LINGO2: variants seen among roughly 807,000 people sequenced by gnomAD.
LINGO2 encodes leucine rich repeat and Ig domain containing 2.
A neutral mutation model predicts 30.6 loss-of-function variants in LINGO2; 14 were observed. The observed-to-expected ratio is 0.46, with a 90% CI of 0.30 to 0.72. The LOEUF is 0.72. LINGO2 is among the 30% of genes least tolerant of loss of function. LINGO2 has a pLI of 0.07. For missense variants in LINGO2, 729 were observed against 751.7 expected, an observed-to-expected ratio of 0.97 and a Z score of 0.35; for synonymous variants, 317 against 288.5, an observed-to-expected ratio of 1.10 and a Z score of -1.00.
chr9:28,059,591 G>A lies in LINGO2; in HGVS notation c.-86-47186C>T, dbSNP rs190094172. ...ACAGCAGATGATGAAAGAACCATCA[G>A]GCTTACTAGAATTCAACCACAGACC... On this transcript the variant is annotated intron_variant, in intron 4 of 5. Transcript: ENST00000379992. Among the ~76,000 whole-genome samples the A allele has an allele frequency of 7.4e-3, 1,127 of 152,094 alleles. 3 individuals carry two copies. Among genetic ancestry groups the A allele is most frequent in the Non-Finnish European group, 0.011 (747 of 67,996 alleles).
At chr9:28,855,087 T>G in the LINGO2 span, among the ~76,000 whole-genome samples, 25 of 151,982 alleles carry the variant, frequency 1.6e-4, no homozygotes, top group Non-Finnish European at 2.9e-5. Context: ...AAATATATAC[T>G]CATGCATTTC....
Position 28,184,727 on chromosome 9 carries a change from T to A in LINGO2, c.-87+110481A>T, listed in dbSNP as rs75889585. 1.8e-3 allele frequency among the ~76,000 whole-genome samples: 281 copies of A among 152,204 alleles called. 3 individuals carry two copies. In the East Asian group the frequency reaches 0.047, roughly 26 times the overall value. ...TCAGAAAGTATACAGACATTTATTCTAAAAGGAGAAAGTAAACAACAACAC... is the reference window on the plus strand; with the variant it reads ...TCAGAAAGTATACAGACATTTATTCAAAAAGGAGAAAGTAAACAACAACAC... On this transcript the variant is annotated intron_variant, in intron 4 of 5. Transcript: ENST00000379992.
intron 5 of LINGO2, among the ~76,000 whole-genome samples, chr9:27,996,301 GA>G (rs1821659027): frequency 6.6e-6 from 1 of 152,070 alleles, no homozygotes; most frequent in South Asian, 2.1e-4. Context: ...ATATAAGAAA[GA>G]AAATCAATGT....
chr9:28,137,052 C>T lies in LINGO2; in HGVS notation c.-86-124647G>A, dbSNP rs533292541. ...CTCTCCTGTTTCTTAGGTTTTCAGA[C>T]TTGATCTGGCACTATACCACTGGCT... On this transcript the variant is annotated intron_variant, in intron 4 of 5. Coordinates refer to ENST00000379992, the Ensembl canonical transcript of LINGO2. Among the ~76,000 whole-genome samples, 50 of 152,218 alleles carry T rather than the reference C, an allele frequency of 3.3e-4. 1 individual carries two copies. In the South Asian group the frequency reaches 8.7e-3, roughly 27 times the overall value.
the LINGO2 span, among the ~76,000 whole-genome samples, chr9:28,764,009 G>T: frequency 6.6e-6 from 1 of 151,476 alleles, no homozygotes; most frequent in Non-Finnish European, 1.5e-5. Flanking sequence ...AACAAATGAG[G>T]AGATTGAATT....
chr9:29,203,073 C>T, the LINGO2 span, among the ~76,000 whole-genome samples: 1 of 152,030 alleles, frequency 6.6e-6, no homozygotes, highest in African/African-American at 2.4e-5. Flanking sequence ...CAGAACCAAC[C>T]ATATATATAT....
chr9:28,199,135 T>C (rs573231141), intron 4 of LINGO2, among the ~76,000 whole-genome samples: 9 of 152,270 alleles, frequency 5.9e-5, no homozygotes, highest in African/African-American at 2.2e-4. Flanking sequence ...CATTGCAAAC[T>C]TCAACTTATT....
At chr9:28,763,610 T>G in the LINGO2 span, among the ~76,000 whole-genome samples, 2,132 of 151,532 alleles carry the variant, frequency 0.014, 57 homozygotes, top group African/African-American at 0.043. Context: ...CAACCTACAT[T>G]TATACCTAAA....
the LINGO2 span, among the ~76,000 whole-genome samples, chr9:28,996,120 A>T: frequency 2.9e-4 from 12 of 40,788 alleles, no homozygotes; most frequent in African/African-American, 1.1e-3. Context: ...TATTGCTTTA[A>T]AAAAAAAAAA....
chr9:28,353,935 T>C (rs1820038548), intron 3 of LINGO2, among the ~76,000 whole-genome samples: 1 of 151,964 alleles, frequency 6.6e-6, no homozygotes, highest in Admixed American at 6.6e-5. Flanking sequence ...TTCTCACTCA[T>C]AGGTGGGAAT....
chr9:28,887,039 T>C, the LINGO2 span, among the ~76,000 whole-genome samples: 1 of 152,146 alleles, frequency 6.6e-6, no homozygotes, highest in Non-Finnish European at 1.5e-5. Flanking sequence ...GAGCAGGGTA[T>C]GAACAAGAAA....
chr9:28,640,386 A>G (rs1330249324), intron 1 of LINGO2, among the ~76,000 whole-genome samples: 3 of 151,844 alleles, frequency 2.0e-5, no homozygotes, highest in Admixed American at 2.0e-4. Context: ...AGATTGGGGA[A>G]TTTCTCCTGG....
At chr9:28,774,194 C>T in the LINGO2 span, among the ~76,000 whole-genome samples, 5 of 152,048 alleles carry the variant, frequency 3.3e-5, no homozygotes, top group African/African-American at 1.2e-4. Flanking sequence ...ATGAGCTGTT[C>T]AGGAGGTTCA....
chr9:29,136,686 G>A, the LINGO2 span, among the ~76,000 whole-genome samples: 7 of 152,086 alleles, frequency 4.6e-5, no homozygotes, highest in South Asian at 1.2e-3. Context: ...TGTTTCCCAG[G>A]TGTCAGTCAA....
rs117762404 is a variant in LINGO2 at position 28,021,686 on chromosome 9, A to T, written c.-86-9281T>A. On this transcript the variant is annotated intron_variant, in intron 4 of 5. Coordinates refer to ENST00000379992, the Ensembl canonical transcript of LINGO2. ...TGATGCTTTGTGGTTAGGTACACAT[A>T]CATCTTGGATTGTTATGTACTCTTG... is the stretch of plus-strand genomic sequence containing the variant. Among the ~76,000 whole-genome samples the T allele has an allele frequency of 8.6e-3, 1,316 of 152,270 alleles. 16 individuals are homozygous for T. The highest frequency in any genetic ancestry group is 0.013 in the Non-Finnish European group (899 of 67,990).
At chr9:28,384,048 C>T (rs1269198383) in intron 2 of LINGO2, among the ~76,000 whole-genome samples, 1 of 151,954 alleles carries the variant, frequency 6.6e-6, no homozygotes, top group Non-Finnish European at 1.5e-5. Context: ...CACAATACAA[C>T]ATATGTGAAC....
chr9:29,073,467 C>T, the LINGO2 span, among the ~76,000 whole-genome samples: 21 of 151,960 alleles, frequency 1.4e-4, no homozygotes. Context: ...TCCATATAGT[C>T]TATGAGCTAA....
the LINGO2 span, among the ~76,000 whole-genome samples, chr9:28,684,078 T>G: frequency 6.6e-6 from 1 of 151,638 alleles, no homozygotes; most frequent in Admixed American, 6.6e-5. Context: ...AAAGTTTACA[T>G]TTTTAAACAC....
At chr9:28,598,418 C>CAAAAAA (rs766825127) in intron 1 of LINGO2, among the ~76,000 whole-genome samples, 3 of 108,978 alleles carry the variant, frequency 2.8e-5, no homozygotes, top group Admixed American at 9.2e-5. Flanking sequence ...TTCTCCATAT[C>CAAAAAA]AAAAAAAAAA....
Sources: allele counts gnomAD v4.1 joint callset (sites outside exome capture counted in the v4.1 genomes callset), GRCh38; gene constraint gnomAD v4.1.1; transcripts MANE v1.5; gene names NCBI Gene and HGNC (gene_info 2026-07-23, HGNC 2026-07-21).